Variants in PCDHA8 observed in about 807,000 individuals in gnomAD.
PCDHA8 encodes the protein protocadherin alpha-8.
PCDHA8 carries 53 observed loss-of-function variants against 61.8 expected under a neutral mutation model. That is an observed-to-expected ratio of 0.86 (90% CI 0.69 to 1.08). PCDHA8 has a LOEUF of 1.08. Among genes scored for constraint, PCDHA8 ranks in the 50% least tolerant of loss-of-function variants. The pLI is 0.00. For missense variants in PCDHA8, 1,293 were observed against 1,245.0 expected (o/e 1.04, Z -0.58); for synonymous variants, 618 against 556.6 (o/e 1.11, Z -1.55).
At chr5:140,913,808 A>T (rs1332519291) in intron 1 of PCDHA8, among the ~76,000 whole-genome samples, 1 of 152,102 alleles carries the variant, frequency 6.6e-6, no homozygotes, top group Non-Finnish European at 1.5e-5. Context: ...TCAAATTTTC[A>T]ATTTCCTTTT....
chr5:140,952,608 C>T (rs2153696668), intron 1 of PCDHA8, among the ~76,000 whole-genome samples: 1 of 152,282 alleles, frequency 6.6e-6, no homozygotes, highest in Non-Finnish European at 1.5e-5. Flanking sequence ...TCTAAGCTCT[C>T]CCTCATCTTC....
At chr5:140,882,561 G>A in intron 1 of PCDHA8, 2 of 1,614,222 alleles carry the variant, frequency 1.2e-6, no homozygotes, top group Non-Finnish European at 1.7e-6. Flanking sequence ...CTGTGTGGGC[G>A]GAGCGCGGAG....
intron 1 of PCDHA8, among the ~76,000 whole-genome samples, chr5:140,908,155 G>C (rs559304647): frequency 6.6e-6 from 1 of 152,194 alleles, no homozygotes; most frequent in Non-Finnish European, 1.5e-5. Context: ...TCCTAGGAAG[G>C]GGCTGTAGTG....
At chr5:140,967,519 C>T (rs147791062) in intron 1 of PCDHA8, 1 of 1,612,804 alleles carries the variant, frequency 6.2e-7, no homozygotes, top group Non-Finnish European at 8.5e-7. Flanking sequence ...TGGACACTAA[C>T]GACAACTCTC....
Position 140,856,234 on chromosome 5 carries a change from G to A in PCDHA8, c.2394+12519G>A. On this transcript the variant is annotated intron_variant, in intron 1 of 3. Transcript: ENST00000531613. ...AGCTGGCGGAGCTGGTGCAGCGCCT[G>A]TTCCGGGTGGCGTCCAAAAGACACG... 3 of 1,598,040 alleles carry A rather than the reference G, an allele frequency of 1.9e-6. 1 individual carries two copies. Among genetic ancestry groups the A allele is most frequent in the Non-Finnish European group, 2.6e-6 (3 of 1,167,878 alleles).
intron 1 of PCDHA8, chr5:140,966,229 A>T (rs1027352378): frequency 1.1e-5 from 3 of 277,852 alleles, no homozygotes; most frequent in African/African-American, 6.6e-5. Context: ...ATCTCCTTAA[A>T]GACCCGTTAA....
intron 1 of PCDHA8, among the ~76,000 whole-genome samples, chr5:140,889,953 A>G (rs2062443064): frequency 6.6e-6 from 1 of 152,214 alleles, no homozygotes; most frequent in Non-Finnish European, 1.5e-5. Context: ...AGCCAAATGG[A>G]TAGAAAAATT....
intron 1 of PCDHA8, chr5:140,928,465 G>A: frequency 6.2e-7 from 1 of 1,614,168 alleles, no homozygotes; most frequent in Non-Finnish European, 8.5e-7. Context: ...TCATTTCCAA[G>A]TAGAAGGCCG....
chr5:140,937,838 G>A (rs757526914), intron 1 of PCDHA8, among the ~76,000 whole-genome samples: 3 of 150,986 alleles, frequency 2.0e-5, no homozygotes, highest in Non-Finnish European at 2.9e-5. Context: ...CATGAACCTG[G>A]AAGGCGGAAC....
At chr5:140,857,366 G>A in intron 1 of PCDHA8, 1 of 1,598,350 alleles carries the variant, frequency 6.3e-7, no homozygotes, top group Non-Finnish European at 8.6e-7. Context: ...CACGGCCAGC[G>A]TGTCTGTGGA....
intron 1 of PCDHA8, among the ~76,000 whole-genome samples, chr5:140,917,805 T>C (rs2153545461): frequency 6.6e-6 from 1 of 152,328 alleles, no homozygotes; most frequent in African/African-American, 2.4e-5. Flanking sequence ...AGCCTTGCAG[T>C]ATAGTTGAAG....
chr5:140,850,570 C>T (rs2041682999), intron 1 of PCDHA8: 2 of 1,598,372 alleles, frequency 1.3e-6, no homozygotes, highest in Non-Finnish European at 8.6e-7. Context: ...CCCGAGGTGA[C>T]GCTGGTGGAT....
At position 140,924,017 on chromosome 5, in the gene PCDHA8, T is replaced by C. The variant is rs2081624736; in HGVS notation, c.2395-54932T>C. Among the ~76,000 whole-genome samples, 3 of 152,218 alleles carry C rather than the reference T, an allele frequency of 2.0e-5. No individual in the cohort carries two copies. In the South Asian group the frequency reaches 6.2e-4, roughly 32 times the overall value. On this transcript the variant is annotated intron_variant, in intron 1 of 3. Transcript: ENST00000531613. ...CTCAGAATTCCTAAACCTGGTATAA[T>C]TGGAGGCATGGCTGCAGACCTAAAA...
intron 1 of PCDHA8, among the ~76,000 whole-genome samples, chr5:140,889,411 T>A (rs1262087176): frequency 6.6e-6 from 1 of 152,020 alleles, no homozygotes; most frequent in Non-Finnish European, 1.5e-5. Flanking sequence ...CTCGAGTCAG[T>A]TACGTAGATA....
At chr5:140,857,488 C>G (rs782255025) in intron 1 of PCDHA8, 2 of 1,598,442 alleles carry the variant, frequency 1.3e-6, no homozygotes, top group South Asian at 2.2e-5. Context: ...CTGCGTGGGA[C>G]GCGGACGCGC....
At chr5:140,853,515 G>A in intron 1 of PCDHA8, 1 of 976,904 alleles carries the variant, frequency 1.0e-6, no homozygotes, top group Non-Finnish European at 1.2e-6. Context: ...CAATAATGAA[G>A]CTCCTCCTAT....
intron 1 of PCDHA8, among the ~76,000 whole-genome samples, chr5:140,937,400 T>A (rs1210509586): frequency 6.6e-6 from 1 of 152,224 alleles, no homozygotes; most frequent in Non-Finnish European, 1.5e-5. Flanking sequence ...ATAGGGGTAT[T>A]GCACAACTTT....
At chr5:140,847,615 C>T (rs1488974977) in intron 1 of PCDHA8, 1 of 149,268 alleles carries the variant, frequency 6.7e-6, no homozygotes, top group Non-Finnish European at 1.5e-5. Flanking sequence ...AATAACATTA[C>T]ACAAACTATA....
At chr5:140,888,843 G>T (rs2153425504) in intron 1 of PCDHA8, among the ~76,000 whole-genome samples, 1 of 152,082 alleles carries the variant, frequency 6.6e-6, no homozygotes, top group East Asian at 1.9e-4. Context: ...ACTGCAGCCT[G>T]GTGACAGAGT....
Sources: allele counts gnomAD v4.1 joint callset (sites outside exome capture counted in the v4.1 genomes callset), GRCh38; gene constraint gnomAD v4.1.1; transcripts MANE v1.5; gene names NCBI Gene and HGNC (gene_info 2026-07-23, HGNC 2026-07-21).